The following DLGAP1 variants were observed in gnomAD, a reference collection of about 807,000 sequenced individuals.
DLGAP1 encodes DLG associated protein 1.
DLGAP1 carries 11 observed loss-of-function variants against 90.8 expected under a neutral mutation model. The ratio of observed to expected loss-of-function variants is 0.12; its 90% confidence interval spans 0.08 to 0.20. The LOEUF (loss-of-function observed/expected upper bound fraction) is 0.20. Among genes scored for constraint, DLGAP1 ranks in the 10% least tolerant of loss-of-function variants. The pLI is 1.00. For missense variants in DLGAP1, 1,050 were observed against 1,333.8 expected, an observed-to-expected ratio of 0.79 and a Z score of 3.31; for synonymous variants, 558 against 540.7, an observed-to-expected ratio of 1.03 and a Z score of -0.44.
At chr18:3,708,098 G>A (rs192326732) in intron 7 of DLGAP1, among the ~76,000 whole-genome samples, 12 of 151,034 alleles carry the variant, frequency 7.9e-5, no homozygotes, top group East Asian at 2.0e-4. Context: ...CTCCACCTCC[G>A]GGGCTCAAGC....
At chr18:3,757,885 G>A (rs971411865) in intron 5 of DLGAP1, among the ~76,000 whole-genome samples, 2 of 152,136 alleles carry the variant, frequency 1.3e-5, no homozygotes, top group African/African-American at 4.8e-5. Context: ...GGAGGCCAAG[G>A]CGGGTGGATC....
chr18:3,567,070 A>ATCATTCATTCAT (rs57674058), intron 9 of DLGAP1, among the ~76,000 whole-genome samples: 23,712 of 150,858 alleles, frequency 0.16, 1,948 homozygotes, highest in Middle Eastern at 0.2. Flanking sequence ...TCATTCATTC[A>ATCATTCATTCAT]TCATTCATTC....
chr18:4,046,094 T>C (rs144886719), intron 2 of DLGAP1, among the ~76,000 whole-genome samples: 3 of 152,336 alleles, frequency 2.0e-5, no homozygotes, highest in South Asian at 2.1e-4. Context: ...TATGTCCCCA[T>C]CTGGCATTAA....
At position 3,814,391 on chromosome 18, in the gene DLGAP1, T is replaced by G. The variant is rs1353211328; in HGVS notation, c.958-118A>C. On this transcript the variant is annotated intron_variant, in intron 4 of 12. Transcript: ENST00000315677. ...TTTTTTTTTTTTTTGAGATGGGGTC[T>G]TGCTTTGTCGCCCAGACTGGAGTGC... The G allele has an allele frequency of 6.2e-6, 6 of 964,132 alleles. No individual in the cohort carries two copies. In the African/African-American group the frequency reaches 1.0e-4, roughly 16 times the overall value. The allele number at this position is 964,132 out of a possible 1,614,324, so 59.7% of individuals were successfully genotyped here.
At chr18:4,091,712 T>C (rs898939942) in intron 2 of DLGAP1, among the ~76,000 whole-genome samples, 4 of 152,232 alleles carry the variant, frequency 2.6e-5, no homozygotes, top group African/African-American at 4.8e-5. Context: ...GCATTTCCAA[T>C]TGATTTTTTG....
chr18:3,524,236 CT>C (rs2051453048), intron 10 of DLGAP1, among the ~76,000 whole-genome samples: 1 of 151,964 alleles, frequency 6.6e-6, no homozygotes, highest in Admixed American at 6.6e-5. Context: ...CATCACACCA[CT>C]GCACTCCAGC....
intron 3 of DLGAP1, among the ~76,000 whole-genome samples, chr18:3,996,699 T>G (rs143031263): frequency 6.6e-6 from 1 of 152,054 alleles, no homozygotes; most frequent in Non-Finnish European, 1.5e-5. Context: ...ATAGAAATCA[T>G]AACTATGTAT....
chr18:3,899,046 G>C (rs1392081303), intron 3 of DLGAP1, among the ~76,000 whole-genome samples: 2 of 152,214 alleles, frequency 1.3e-5, no homozygotes, highest in Non-Finnish European at 2.9e-5. Context: ...ATCTGCTTAT[G>C]TTGGCACAGG....
intron 2 of DLGAP1, among the ~76,000 whole-genome samples, chr18:4,072,562 G>A (rs143302445): frequency 5.3e-4 from 80 of 151,628 alleles, no homozygotes; most frequent in African/African-American, 1.9e-3. Flanking sequence ...CTCCACCTCC[G>A]GGTTTCAAGT....
chr18:3,832,950 C>A (rs941525182), intron 4 of DLGAP1, among the ~76,000 whole-genome samples: 1 of 152,108 alleles, frequency 6.6e-6, no homozygotes, highest in South Asian at 2.1e-4. Context: ...CCATTTGAGG[C>A]TGCTCCTGGA....
In DLGAP1 at chr18:3,880,130, TG is replaced by T; in HGVS notation, c.-63del. The T allele has an allele frequency of 6.7e-7, 1 of 1,492,160 alleles. No individual in the cohort carries two copies. The highest frequency in any genetic ancestry group is 2.3e-5 in the East Asian group (1 of 44,152). The allele number at this position is 1,492,160 out of a possible 1,614,324, so 92.4% of individuals were successfully genotyped here. ...CGGAAGTCAGGCTCCAGACCCGTCTTGGGCAGGGATCTGGGGGAATGAAGAA... is the reference window on the plus strand; with the variant it reads ...CGGAAGTCAGGCTCCAGACCCGTCTTGGCAGGGATCTGGGGGAATGAAGAA... On this transcript the variant is annotated 5_prime_UTR_variant, in exon 4 of 13. An upstream open reading frame in the 5' UTR loses its in-frame stop. Coordinates refer to ENST00000315677, the MANE Select transcript of DLGAP1 (RefSeq NM_004746.4).
intron 1 of DLGAP1, among the ~76,000 whole-genome samples, chr18:4,362,477 A>G (rs2081650415): frequency 6.6e-6 from 1 of 152,252 alleles, no homozygotes; most frequent in South Asian, 2.1e-4. Flanking sequence ...CCAGTCACAA[A>G]CAAGACAAAT....
chr18:3,753,670 G>A (rs1202875282), intron 5 of DLGAP1, among the ~76,000 whole-genome samples: 2 of 152,192 alleles, frequency 1.3e-5, no homozygotes, highest in East Asian at 3.9e-4. Flanking sequence ...TTGAGATCCT[G>A]CACAAGCAGG....
At chr18:3,804,000 ATAT>A (rs2066445331) in intron 5 of DLGAP1, among the ~76,000 whole-genome samples, 2 of 95,604 alleles carry the variant, frequency 2.1e-5, no homozygotes, top group Admixed American at 1.1e-4. Flanking sequence ...ATATATATAT[ATAT>A]AATTTTTTTT....
rs561176597 is a variant in DLGAP1 at position 3,965,185 on chromosome 18, C to T, written c.-73+39931G>A. ...TACATTTGTAACACAAAACACTGAACAACACCACAAAGCCTAGAATCACTG... is the reference window on the plus strand; with the variant it reads ...TACATTTGTAACACAAAACACTGAATAACACCACAAAGCCTAGAATCACTG... On this transcript the variant is annotated intron_variant, in intron 3 of 12. Coordinates refer to ENST00000315677, the MANE Select transcript of DLGAP1 (RefSeq NM_004746.4). 6.6e-5 allele frequency among the ~76,000 whole-genome samples: 10 copies of T among 152,300 alleles called. No individual in the cohort carries two copies. In the East Asian group the frequency reaches 1.9e-3, roughly 29 times the overall value.
intron 5 of DLGAP1, among the ~76,000 whole-genome samples, chr18:3,769,100 G>A (rs1359001553): frequency 6.6e-6 from 1 of 151,958 alleles, no homozygotes; most frequent in Non-Finnish European, 1.5e-5. Flanking sequence ...TTAGATAATG[G>A]GCAAAACTCA....
At chr18:3,881,109 T>C (rs1568276810) in intron 3 of DLGAP1, among the ~76,000 whole-genome samples, 5 of 142,676 alleles carry the variant, frequency 3.5e-5, no homozygotes, top group African/African-American at 7.8e-5. Context: ...CTTATTCTTT[T>C]TTTTCTTTTT....
rs1012102745 is a variant in DLGAP1 at position 3,895,319 on chromosome 18, A to T, written c.-72-15179T>A. Among the ~76,000 whole-genome samples, 620 of 148,428 alleles carry T rather than the reference A, an allele frequency of 4.2e-3. 9 individuals are homozygous for T. Among genetic ancestry groups the T allele is most frequent in the South Asian group, 0.023 (107 of 4,608 alleles). ...CACACACACACACACACACACACAC[A>T]CATCATCATCATCATCATCATCATC... On this transcript the variant is annotated intron_variant, in intron 3 of 12. Coordinates refer to ENST00000315677, the MANE Select transcript of DLGAP1 (RefSeq NM_004746.4).
chr18:3,647,159 C>G (rs1253768011), intron 7 of DLGAP1, among the ~76,000 whole-genome samples: 1 of 151,810 alleles, frequency 6.6e-6, no homozygotes, highest in Non-Finnish European at 1.5e-5. Flanking sequence ...GAGGCTGAGT[C>G]AGGAGAATCG....
Sources: allele counts gnomAD v4.1 joint callset (sites outside exome capture counted in the v4.1 genomes callset), GRCh38; gene constraint gnomAD v4.1.1; transcripts MANE v1.5; gene names NCBI Gene and HGNC (gene_info 2026-07-23, HGNC 2026-07-21).